Variants in DHX40 observed in about 807,000 individuals in gnomAD.
DHX40 encodes DEAH-box helicase 40.
In DHX40, 28 loss-of-function variants were observed where a neutral mutation model predicts 89.6. The ratio of observed to expected loss-of-function variants is 0.31; its 90% CI spans 0.23 to 0.43. DHX40 has a LOEUF of 0.43. Ranked by LOEUF, DHX40 falls within the 20% of genes least tolerant of loss-of-function variation. The pLI is 1.00. For missense variants in DHX40, 457 were observed against 844.0 expected (o/e 0.54, Z 5.68); for synonymous variants, 226 against 283.6 (o/e 0.80, Z 2.04).
chr17:59,588,825 ATTG>A (rs1157867817), intron 12 of DHX40, among the ~76,000 whole-genome samples: 2 of 152,022 alleles, frequency 1.3e-5, no homozygotes, highest in African/African-American at 4.8e-5. Flanking sequence ...TTGTGTCTTT[ATTG>A]TTGTATCTAA....
chr17:59,573,816 T>G lies in DHX40; in HGVS notation c.623T>G (p.Val208Gly), dbSNP rs1222720870. 1.2e-6 allele frequency: 2 copies of G among 1,613,724 alleles called. No individual in the cohort carries two copies. The highest frequency in any genetic ancestry group is 1.7e-6 in the Non-Finnish European group (2 of 1,179,832). The change falls in exon 5 of 18, where the codon GTA becomes GGA. Residue 208 changes from valine (V) to glycine (G), a missense_variant. Physicochemically the swap from Val to Gly is moderately radical, Grantham distance 109. This residue lies in a region of DHX40 where 116 missense variants were observed against 188.9 expected (regional missense o/e 0.61). Transcript: ENST00000251241. ...AGGAAGGAGCATTTAAAAGTGGTGG[T>G]AATGTCAGCAACTATGGAATTAGCC... ...PNRKEHLKVV[V>G]MSATMELAKL...
intron 12 of DHX40, among the ~76,000 whole-genome samples, chr17:59,590,768 C>T (rs2049071045): frequency 6.6e-6 from 1 of 151,896 alleles, no homozygotes; most frequent in Non-Finnish European, 1.5e-5. Flanking sequence ...TTGCACCCAG[C>T]AGTTGCAGTC....
chr17:59,588,089 T>C (rs372152269), intron 12 of DHX40, 36 bp downstream of exon 12: 10 of 1,608,872 alleles, frequency 6.2e-6, no homozygotes, highest in Non-Finnish European at 7.6e-6. Flanking sequence ...TTTTTAAAAC[T>C]AATAGACTTG....
At chr17:59,570,080 TTA>T in intron 2 of DHX40, among the ~76,000 whole-genome samples, 1 of 128,750 alleles carries the variant, frequency 7.8e-6, no homozygotes, top group Non-Finnish European at 1.6e-5. Context: ...TAATGTATAT[TTA>T]TATATAATAT....
At chr17:59,566,546 C>A in intron 1 of DHX40, 81 bp from the exon 2 acceptor site, 1 of 1,368,894 alleles carries the variant, frequency 7.3e-7, no homozygotes, top group East Asian at 2.7e-5. Context: ...ATTCTATTGC[C>A]TTTCTGGTTT....
At position 59,573,186 on chromosome 17, in the gene DHX40, A is replaced by G. The variant is rs1305641106; in HGVS notation, c.497A>G (p.Lys166Arg). The G allele has an allele frequency of 6.2e-7, 1 of 1,613,388 alleles. No individual in the cohort carries two copies. The highest frequency in any genetic ancestry group is 8.5e-7 in the Non-Finnish European group (1 of 1,179,768). The change falls in exon 4 of 18, where the codon AAA becomes AGA. Residue 166 changes from lysine to arginine, a missense_variant. Physicochemically the swap from Lys to Arg is conservative, Grantham distance 26. Around this residue, in one of 9 missense-constraint regions of DHX40, gnomAD observed 9 missense variants for 44.4 expected, o/e 0.20. Coordinates refer to ENST00000251241, the MANE Select transcript of DHX40 (RefSeq NM_024612.5). ...ATTCTGGGAGACCCAAATCTTACCA[A>G]ATTCAGTGTCATTATTTTGGATGAA... is the stretch of plus-strand genomic sequence containing the variant. ...KHILGDPNLT[K>R]FSVIILDEAH...
chr17:59,589,001 G>A (rs1043024646), intron 12 of DHX40, among the ~76,000 whole-genome samples: 3 of 151,954 alleles, frequency 2.0e-5, no homozygotes, highest in African/African-American at 7.2e-5. Flanking sequence ...TCTTATATGG[G>A]TCTGTTTCTG....
At chr17:59,568,972 G>A (rs2048747726) in intron 2 of DHX40, among the ~76,000 whole-genome samples, 1 of 152,058 alleles carries the variant, frequency 6.6e-6, no homozygotes, top group South Asian at 2.1e-4. Flanking sequence ...GAGTAGCCAG[G>A]CTCCTGAGTA....
chr17:59,585,782 T>TTTCTCTACTATTAATAC (rs1555592960), intron 10 of DHX40, among the ~76,000 whole-genome samples: 1,255 of 96,230 alleles, frequency 0.013, 43 homozygotes, highest in African/African-American at 0.027. Flanking sequence ...CTAATTAATA[T>TTTCTCTACTATTAATAC]TTCTCTACTA....
intron 17 of DHX40, 74 bp downstream of exon 17, chr17:59,605,748 T>C: frequency 7.0e-7 from 1 of 1,427,150 alleles, no homozygotes; most frequent in South Asian, 1.2e-5. Flanking sequence ...TATTTTTGTT[T>C]ATAAAAATGT....
At position 59,607,611 on chromosome 17, in the gene DHX40, G is replaced by A. The variant is rs1030408471; in HGVS notation, c.*439G>A. On this transcript the variant is annotated 3_prime_UTR_variant, in exon 18 of 18. Transcript: ENST00000251241. ...CTGTTAGAATAGTGCTATATATCAG[G>A]TATGTGACCATTTATTTCAGAAGGC... The A allele has an allele frequency of 7.9e-6, 2 of 252,064 alleles. No homozygotes were observed. Among genetic ancestry groups the A allele is most frequent in the Non-Finnish European group, 1.5e-5 (2 of 130,924 alleles). 15.6% of individuals were successfully genotyped at this position (252,064 alleles called of 1,614,324 possible). A position where few individuals can be genotyped will look rare whatever the true frequency, so the allele number is the denominator to read the frequency against.
chr17:59,569,578 C>G (rs2048758747), intron 2 of DHX40, among the ~76,000 whole-genome samples: 2 of 149,020 alleles, frequency 1.3e-5, no homozygotes, highest in African/African-American at 4.9e-5. Context: ...CCCAGCTGCT[C>G]AGGTGGCTGA....
intron 14 of DHX40, among the ~76,000 whole-genome samples, chr17:59,601,865 C>T (rs1391824163): frequency 6.6e-6 from 1 of 152,152 alleles, no homozygotes; most frequent in Non-Finnish European, 1.5e-5. Context: ...TAGTTATTCC[C>T]CTCTACTGAG....
chr17:59,598,912 C>G lies in DHX40; in HGVS notation c.1697+61C>G, dbSNP rs1302029668. 2.2e-5 allele frequency: 27 copies of G among 1,215,834 alleles called. No individual in the cohort carries two copies. The South Asian group carries it at 3.3e-4, about 15-fold the overall frequency. 75.3% of individuals were successfully genotyped at this position (1,215,834 alleles called of 1,614,324 possible). On this transcript the variant is annotated intron_variant, in intron 13 of 17. Coordinates refer to ENST00000251241, the MANE Select transcript of DHX40 (RefSeq NM_024612.5). ...ATTTGATGTATAGTTCCAATACGTA[C>G]TTATGATGTGGCTTGTGACACTAAC...
intron 1 of DHX40, 22 bp downstream of exon 1, chr17:59,565,805 G>A (rs780083906): frequency 2.5e-6 from 4 of 1,577,076 alleles, no homozygotes; most frequent in African/African-American, 2.7e-5. Flanking sequence ...GGGACGGTAC[G>A]GAAGCCAGCG....
intron 2 of DHX40, among the ~76,000 whole-genome samples, chr17:59,569,273 A>G (rs2048753106): frequency 1.3e-5 from 2 of 152,024 alleles, no homozygotes; most frequent in Non-Finnish European, 2.9e-5. Context: ...GGTTGCAGTG[A>G]GCCGAGATTG....
intron 15 of DHX40, chr17:59,603,823 T>C (rs899382771): frequency 6.6e-6 from 1 of 152,194 alleles, no homozygotes; most frequent in Non-Finnish European, 1.5e-5. Context: ...ATGTTCTTCC[T>C]GATAGGATAC....
chr17:59,596,492 T>C (rs1308230443), intron 12 of DHX40, among the ~76,000 whole-genome samples: 1 of 152,116 alleles, frequency 6.6e-6, no homozygotes, highest in Non-Finnish European at 1.5e-5. Flanking sequence ...CCCTTGAACT[T>C]GGGAGGTGGA....
chr17:59,579,229 A>T lies in DHX40; in HGVS notation c.1074-243A>T, dbSNP rs200611594. On this transcript the variant is annotated intron_variant, in intron 8 of 17. Transcript: ENST00000251241. ...CACTTAGAAATGGAATTGCTGGATC[A>T]TATGGTAATTTTGTGTTTAACTTCT... 4.0e-4 allele frequency among the ~76,000 whole-genome samples: 34 copies of T among 85,030 alleles called. 7 individuals carry two copies. The East Asian group carries it at 0.024, about 59-fold the overall frequency. 55.8% of individuals were successfully genotyped at this position (85,030 alleles called of 152,430 possible).
Sources: allele counts gnomAD v4.1 joint callset (sites outside exome capture counted in the v4.1 genomes callset), GRCh38; gene constraint gnomAD v4.1.1; regional missense constraint gnomAD v4.1.1; transcripts MANE v1.5; gene names NCBI Gene and HGNC (gene_info 2026-07-23, HGNC 2026-07-21).